The following JAK2 variants were observed in gnomAD, a reference collection of about 807,000 sequenced individuals.
JAK2 encodes the protein tyrosine-protein kinase JAK2.
JAK2 carries 86 observed loss-of-function variants against 139.3 expected under a neutral mutation model. That is an observed-to-expected ratio of 0.62 (90% CI 0.52 to 0.74). The LOEUF (loss-of-function observed/expected upper bound fraction) is 0.74, where lower values mean the gene tolerates loss of function less well. Ranked by LOEUF, JAK2 falls within the 30% of genes least tolerant of loss-of-function variation. The probability of loss-of-function intolerance (pLI) is 0.00; values close to 1 mark genes in which losing one functional copy is unlikely to be tolerated. For synonymous variants in JAK2, 490 were observed against 437.7 expected (o/e 1.12, Z -1.49); for missense variants, 1,421 against 1,360.3 (o/e 1.04, Z -0.70).
At chr9:5,117,309 G>T (rs1005511153) in intron 22 of JAK2, among the ~76,000 whole-genome samples, 2 of 152,212 alleles carry the variant, frequency 1.3e-5, no homozygotes, top group African/African-American at 4.8e-5. Flanking sequence ...TTCTTTAGTA[G>T]ACAGTGCGTA....
At chr9:5,079,291 T>C (rs1314864371) in intron 16 of JAK2, among the ~76,000 whole-genome samples, 2 of 152,208 alleles carry the variant, frequency 1.3e-5, no homozygotes, top group Non-Finnish European at 2.9e-5. Context: ...TATTTGTCTG[T>C]CTGTCTATGT....
At chr9:5,057,378 T>G (rs997900365) in intron 8 of JAK2, among the ~76,000 whole-genome samples, 1 of 152,080 alleles carries the variant, frequency 6.6e-6, no homozygotes, top group Admixed American at 6.5e-5. Flanking sequence ...TTATTTCTCT[T>G]TATAATTTTG....
chr9:5,063,060 T>C (rs1440529303), intron 8 of JAK2, among the ~76,000 whole-genome samples: 3 of 152,194 alleles, frequency 2.0e-5, no homozygotes, highest in Admixed American at 6.5e-5. Flanking sequence ...GTTAGCTAAA[T>C]ACCTTTTATA....
At chr9:5,007,570 C>T (rs1821389773) in intron 2 of JAK2, among the ~76,000 whole-genome samples, 1 of 151,856 alleles carries the variant, frequency 6.6e-6, no homozygotes, top group African/African-American at 2.4e-5. Flanking sequence ...ATTAAGTAAT[C>T]ATTGAATGCA....
intron 8 of JAK2, among the ~76,000 whole-genome samples, chr9:5,063,898 G>A (rs1001600229): frequency 2.0e-5 from 3 of 152,166 alleles, no homozygotes; most frequent in Non-Finnish European, 4.4e-5. Flanking sequence ...TGACTCACGC[G>A]TGTAATCCCA....
chr9:5,002,931 T>C (rs1047243121), intron 2 of JAK2, among the ~76,000 whole-genome samples: 12 of 152,004 alleles, frequency 7.9e-5, no homozygotes, highest in African/African-American at 2.9e-4. Context: ...AGATAGAAGT[T>C]AAGGTTATTT....
intron 18 of JAK2, among the ~76,000 whole-genome samples, chr9:5,080,892 C>CTTTTTTTT (rs33925764): frequency 3.1e-5 from 3 of 95,586 alleles, no homozygotes; most frequent in Non-Finnish European, 3.9e-5. Flanking sequence ...AAGACCTTTT[C>CTTTTTTTT]TTTTTTTTTT....
intron 19 of JAK2, 54 bp from the exon 20 acceptor site, chr9:5,089,620 T>G (rs1820415503): frequency 1.2e-6 from 1 of 824,044 alleles, no homozygotes; most frequent in South Asian, 4.5e-5. Context: ...AAAATTTATT[T>G]GTAATTTGCC....
chr9:5,034,598 T>A (rs1823431399), intron 4 of JAK2, among the ~76,000 whole-genome samples: 1 of 151,420 alleles, frequency 6.6e-6, no homozygotes, highest in Non-Finnish European at 1.5e-5. Context: ...TCAAAACCAC[T>A]CAACTACATG....
At chr9:5,012,754 A>T (rs1016416746) in intron 2 of JAK2, among the ~76,000 whole-genome samples, 7 of 152,184 alleles carry the variant, frequency 4.6e-5, no homozygotes, top group Non-Finnish European at 8.8e-5. Flanking sequence ...TGAAGCCTAT[A>T]ATTTAGTAGT....
At chr9:5,067,515 T>C (rs1818651092) in intron 10 of JAK2, among the ~76,000 whole-genome samples, 1 of 152,102 alleles carries the variant, frequency 6.6e-6, no homozygotes, top group Non-Finnish European at 1.5e-5. Context: ...ATTTGGCATA[T>C]GTAGAGGGTA....
chr9:5,112,553 A>G (rs760807911), intron 22 of JAK2: 3 of 616,002 alleles, frequency 4.9e-6, no homozygotes, highest in Non-Finnish European at 8.6e-6. Context: ...CAGGTGGCCA[A>G]TAACGCCAGG....
intron 2 of JAK2, among the ~76,000 whole-genome samples, chr9:4,986,468 A>C (rs1819955919): frequency 6.6e-6 from 1 of 152,170 alleles, no homozygotes; most frequent in Non-Finnish European, 1.5e-5. Flanking sequence ...GAATTTACCC[A>C]GTTTGTTTTC....
At chr9:5,117,598 T>A (rs1327645484) in intron 22 of JAK2, among the ~76,000 whole-genome samples, 2 of 152,210 alleles carry the variant, frequency 1.3e-5, no homozygotes, top group African/African-American at 4.8e-5. Context: ...CTTATCAAAG[T>A]TTATTTTGGA....
intron 19 of JAK2, among the ~76,000 whole-genome samples, chr9:5,086,611 G>A (rs573231282): frequency 6.6e-6 from 1 of 151,798 alleles, no homozygotes; most frequent in East Asian, 1.9e-4. Context: ...AAATTCCTTG[G>A]CTTCTCTACC....
Position 5,126,314 on chromosome 9 carries a change from G to T in JAK2, c.3178-19G>T. The stretch of plus-strand genomic sequence containing the variant: ...ACAAATTAAATGTACAAAAAATATT[G>T]AAAGTGGGTTTGTTTTAGGAATTTA... On this transcript the variant is annotated intron_variant, in intron 23 of 24. Transcript: ENST00000381652. 2.0e-6 allele frequency: 3 copies of T among 1,520,242 alleles called. No individual in the cohort carries two copies. Among genetic ancestry groups the T allele is most frequent in the Non-Finnish European group, 2.7e-6 (3 of 1,108,678 alleles). The allele number at this position is 1,520,242 out of a possible 1,614,324, so 94.2% of individuals were successfully genotyped here. A position where few individuals can be genotyped will look rare whatever the true frequency, so the allele number is the denominator to read the frequency against.
intron 2 of JAK2, among the ~76,000 whole-genome samples, chr9:5,019,357 C>A (rs963408512): frequency 2.0e-5 from 3 of 151,950 alleles, no homozygotes; most frequent in African/African-American, 7.2e-5. Flanking sequence ...TAAATGAATT[C>A]TTCAGTTTCA....
chr9:5,041,230 G>T, intron 4 of JAK2: 1 of 1,471,078 alleles, frequency 6.8e-7, no homozygotes, highest in South Asian at 1.2e-5. Flanking sequence ...GGCGCCCGGG[G>T]ACCAAGCGGC....
At position 5,112,052 on chromosome 9, in the gene JAK2, C is replaced by T. The variant is rs566300037; in HGVS notation, c.3060-10952C>T. ...CTGGTGCCTTATCACCCAGCTACGACGGGGGTCTCCACGGCCTGGAGAGTA... is the reference window on the plus strand; with the variant it reads ...CTGGTGCCTTATCACCCAGCTACGATGGGGGTCTCCACGGCCTGGAGAGTA... On this transcript the variant is annotated intron_variant, in intron 22 of 24. Coordinates refer to ENST00000381652, the MANE Select transcript of JAK2 (RefSeq NM_004972.4). The T allele has an allele frequency of 1.2e-5, 5 of 408,166 alleles. No individual in the cohort carries two copies. In the East Asian group the frequency reaches 3.7e-4, roughly 30 times the overall value. The allele number at this position is 408,166 out of a possible 1,614,324, so 25.3% of individuals were successfully genotyped here.
Sources: allele counts gnomAD v4.1 joint callset (sites outside exome capture counted in the v4.1 genomes callset), GRCh38; gene constraint gnomAD v4.1.1; transcripts MANE v1.5; gene names NCBI Gene and HGNC (gene_info 2026-07-23, HGNC 2026-07-21).